The following CCDC158 variants were observed in gnomAD, a reference collection of about 807,000 sequenced individuals.
CCDC158 encodes the protein coiled-coil domain containing 158, also known as coiled-coil domain-containing protein 158.
CCDC158 carries 116 observed loss-of-function variants against 138.6 expected under a neutral mutation model. The observed-to-expected ratio is 0.84, with a 90% CI of 0.72 to 0.98. The LOEUF is 0.98. Among genes scored for constraint, CCDC158 ranks in the 50% least tolerant of loss-of-function variants. The probability of loss-of-function intolerance (pLI) is 0.00; values close to 1 mark genes in which losing one functional copy is unlikely to be tolerated. For synonymous variants in CCDC158, 436 were observed against 442.4 expected (o/e 0.99, Z 0.18); for missense variants, 1,265 against 1,306.1 (o/e 0.97, Z 0.48).
chr4:76,322,765 C>T (rs1006069860), intron 24 of CCDC158, among the ~76,000 whole-genome samples: 5 of 152,310 alleles, frequency 3.3e-5, no homozygotes, highest in African/African-American at 1.2e-4. Flanking sequence ...CAAAAAGCTG[C>T]TGGTCATCTG....
intron 14 of CCDC158, among the ~76,000 whole-genome samples, chr4:76,355,798 C>CCTGTGT (rs147328816): frequency 2.7e-5 from 4 of 145,496 alleles, no homozygotes; most frequent in Non-Finnish European, 6.0e-5. Flanking sequence ...AATATATGTA[C>CCTGTGT]GTGTGTGTGT....
Position 76,357,498 on chromosome 4 carries a change from G to A in CCDC158, c.2049C>T (p.Phe683=). ...TTTCCATTTCTTCACTTTTGTTTCGGAAATTCCTTTTTAAGACTTCATACT... is the reference window on the plus strand; with the variant it reads ...TTTCCATTTCTTCACTTTTGTTTCGAAAATTCCTTTTTAAGACTTCATACT... ...SEEYEVLKRN[F]RNKSEEMEMT... The change falls in exon 14 of 25, where the codon TTC becomes TTT. Residue 683 remains phenylalanine, a synonymous_variant. Coordinates refer to ENST00000682701, the MANE Select transcript of CCDC158 (RefSeq NM_001394954.1). The A allele has an allele frequency of 6.3e-7, 1 of 1,597,088 alleles. No homozygotes were observed. The highest frequency in any genetic ancestry group is 8.5e-7 in the Non-Finnish European group (1 of 1,170,656).
chr4:76,317,878 T>C (rs1338173918), intron 24 of CCDC158, among the ~76,000 whole-genome samples: 3 of 152,096 alleles, frequency 2.0e-5, no homozygotes, highest in Admixed American at 2.0e-4. Flanking sequence ...TATAAATACA[T>C]GGAAATTGAA....
At chr4:76,326,280 C>T (rs1333524378) in intron 22 of CCDC158, among the ~76,000 whole-genome samples, 1 of 152,086 alleles carries the variant, frequency 6.6e-6, no homozygotes, top group Non-Finnish European at 1.5e-5. Flanking sequence ...GACCTGGATG[C>T]CTTAGTTGTC....
chr4:76,411,490 A>T (rs946174900), intron 2 of CCDC158, among the ~76,000 whole-genome samples: 1 of 152,222 alleles, frequency 6.6e-6, no homozygotes, highest in Non-Finnish European at 1.5e-5. Context: ...TTTTCCCATA[A>T]TAAAGAGCAA....
At chr4:76,351,487 C>A (rs1425816138) in intron 17 of CCDC158, among the ~76,000 whole-genome samples, 1 of 152,084 alleles carries the variant, frequency 6.6e-6, no homozygotes, top group Non-Finnish European at 1.5e-5. Flanking sequence ...TTTAAACTCA[C>A]CTATTTTAAA....
At position 76,358,487 on chromosome 4, in the gene CCDC158, T is replaced by C. The variant is rs370166279; in HGVS notation, c.2021-961A>G. On this transcript the variant is annotated intron_variant, in intron 13 of 24. Transcript: ENST00000682701. ...TTAATATCTTTTGTGGGCTCCACATTACCCGGCTCTACCTATCTATTCTGC... is the reference window on the plus strand; with the variant it reads ...TTAATATCTTTTGTGGGCTCCACATCACCCGGCTCTACCTATCTATTCTGC... Among the ~76,000 whole-genome samples, 31 of 152,342 alleles carry C rather than the reference T, an allele frequency of 2.0e-4. No individual in the cohort carries two copies. The East Asian group carries it at 5.6e-3, about 27-fold the overall frequency.
chr4:76,388,212 G>A (rs931884583), intron 4 of CCDC158, among the ~76,000 whole-genome samples: 11 of 152,046 alleles, frequency 7.2e-5, no homozygotes, highest in African/African-American at 2.7e-4. Flanking sequence ...AAGTAAAGAA[G>A]ACTTTGTCTT....
chr4:76,352,138 C>T (rs1458257727), intron 16 of CCDC158: 1 of 179,426 alleles, frequency 5.6e-6, no homozygotes, highest in Non-Finnish European at 1.2e-5. Flanking sequence ...GGCATGGTGG[C>T]TCACACCTGT....
intron 18 of CCDC158, among the ~76,000 whole-genome samples, chr4:76,346,690 C>G (rs1426225977): frequency 1.3e-5 from 2 of 152,042 alleles, no homozygotes; most frequent in African/African-American, 4.8e-5. Context: ...AGACTGGTGA[C>G]AGAACAAGAC....
At chr4:76,391,198 G>C (rs1232862174) in intron 4 of CCDC158, among the ~76,000 whole-genome samples, 3 of 151,878 alleles carry the variant, frequency 2.0e-5, no homozygotes, top group Non-Finnish European at 4.4e-5. Context: ...ATACACACAG[G>C]AATAGACACA....
chr4:76,334,843 A>C (rs1009752236), intron 18 of CCDC158, among the ~76,000 whole-genome samples: 1 of 152,210 alleles, frequency 6.6e-6, no homozygotes, highest in Non-Finnish European at 1.5e-5. Flanking sequence ...ATCCCACTGA[A>C]AAGTTACACC....
At chr4:76,364,428 A>G (rs1322455869) in intron 12 of CCDC158, among the ~76,000 whole-genome samples, 1 of 152,208 alleles carries the variant, frequency 6.6e-6, no homozygotes, top group Non-Finnish European at 1.5e-5. Flanking sequence ...AATGTGGCCA[A>G]ACTAAGTTAT....
At chr4:76,321,839 A>G (rs1720045712) in intron 24 of CCDC158, among the ~76,000 whole-genome samples, 1 of 149,740 alleles carries the variant, frequency 6.7e-6, no homozygotes, top group Non-Finnish European at 1.5e-5. Flanking sequence ...AAAAGGAATA[A>G]AATAATGGCA....
intron 18 of CCDC158, among the ~76,000 whole-genome samples, chr4:76,335,023 A>T (rs1721347643): frequency 6.6e-6 from 1 of 152,238 alleles, no homozygotes; most frequent in Admixed American, 6.5e-5. Context: ...CCAGCTGAAG[A>T]TATGAGAGTT....
At chr4:76,337,282 C>T (rs574643954) in intron 18 of CCDC158, among the ~76,000 whole-genome samples, 50 of 151,892 alleles carry the variant, frequency 3.3e-4, no homozygotes, top group African/African-American at 8.0e-4. Flanking sequence ...CATGCCTGGC[C>T]GATTTAAATT....
At chr4:76,339,531 T>G (rs1170156063) in intron 18 of CCDC158, among the ~76,000 whole-genome samples, 1 of 152,252 alleles carries the variant, frequency 6.6e-6, no homozygotes, top group African/African-American at 2.4e-5. Flanking sequence ...GCTTGTTTTG[T>G]GCTGTGTATT....
intron 1 of CCDC158, among the ~76,000 whole-genome samples, chr4:76,419,160 CTT>C (rs895422035): frequency 4.6e-4 from 70 of 152,276 alleles, no homozygotes; most frequent in African/African-American, 1.6e-3. Context: ...TAGGAATACT[CTT>C]AAAAAATTGC....
intron 24 of CCDC158, among the ~76,000 whole-genome samples, chr4:76,321,095 G>A (rs961850591): frequency 1.3e-5 from 2 of 152,020 alleles, no homozygotes; most frequent in African/African-American, 2.4e-5. Flanking sequence ...TTAAAAAGTC[G>A]GCTAAGGACA....
Sources: allele counts gnomAD v4.1 joint callset (sites outside exome capture counted in the v4.1 genomes callset), GRCh38; gene constraint gnomAD v4.1.1; transcripts MANE v1.5; gene names NCBI Gene and HGNC (gene_info 2026-07-23, HGNC 2026-07-21).